KIF25: variants seen among roughly 807,000 people sequenced by gnomAD.
KIF25 encodes the protein kinesin family member 25.
KIF25 carries 19 observed loss-of-function variants against 32.9 expected under a neutral mutation model. The ratio of observed to expected loss-of-function variants is 0.58; its 90% CI spans 0.40 to 0.85. KIF25 has a LOEUF of 0.85. Ranked by LOEUF, KIF25 falls within the 40% of genes least tolerant of loss-of-function variation. The pLI is 0.00. For synonymous variants in KIF25, 225 were observed against 213.7 expected (o/e 1.05, Z -0.46); for missense variants, 485 against 507.0 (o/e 0.96, Z 0.42).
rs991502066 is a variant in KIF25 at position 167,998,013 on chromosome 6, G to A, written c.-1456G>A. On this transcript the variant is annotated 5_prime_UTR_variant, in exon 1 of 13. Coordinates refer to ENST00000643607, the MANE Select transcript of KIF25 (RefSeq NM_030615.4). ...TGATATAAGAGAACATTTATTGAGT[G>A]CTTCCTGTGTACCAAGTACTTTTGA... is the stretch of plus-strand genomic sequence containing the variant. Among the ~76,000 whole-genome samples, 9 of 152,138 alleles carry A rather than the reference G, an allele frequency of 5.9e-5. No homozygotes were observed. The highest frequency in any genetic ancestry group is 1.9e-4 in the African/African-American group (8 of 41,406).
At chr6:168,018,790 G>A (rs1798749684) in intron 5 of KIF25, among the ~76,000 whole-genome samples, 1 of 152,224 alleles carries the variant, frequency 6.6e-6, no homozygotes, top group South Asian at 2.1e-4. Context: ...CTCCTCGGAA[G>A]GACGTCAGTG....
rs139018818 is a variant in KIF25, at chr6:168,044,957, G to T, written c.1116G>T (p.Pro372=). The change falls in exon 13 of 13, where the codon CCG becomes CCT. Residue 372 remains proline, a synonymous_variant. Transcript: ENST00000643607. ...QVQRGPARKK[P]PSSQTEGKRR... ...AGCGAGGCCCTGCCCGAAAGAAGCCGCCCAGCTCCCAAACGGAGGGGAAGA... is the reference window on the plus strand; with the variant it reads ...AGCGAGGCCCTGCCCGAAAGAAGCCTCCCAGCTCCCAAACGGAGGGGAAGA... The T allele has an allele frequency of 4.4e-6, 7 of 1,609,104 alleles. No homozygotes were observed. The highest frequency in any genetic ancestry group is 1.3e-5 in the African/African-American group (1 of 74,810).
At chr6:168,000,228 C>T (rs973256766) in intron 2 of KIF25, among the ~76,000 whole-genome samples, 1 of 129,920 alleles carries the variant, frequency 7.7e-6, no homozygotes, top group Admixed American at 7.7e-5. Context: ...CACACCTGCC[C>T]CTCCCCACTC....
In KIF25 at chr6:168,002,328, C is replaced by T. The variant is rs891271553; in HGVS notation, c.-369-215C>T. Among the ~76,000 whole-genome samples, 57 of 148,800 alleles carry T rather than the reference C, an allele frequency of 3.8e-4. 1 individual carries two copies. Among genetic ancestry groups the T allele is most frequent in the Non-Finnish European group, 7.0e-4 (47 of 66,990 alleles). On this transcript the variant is annotated intron_variant, in intron 2 of 12. Transcript: ENST00000643607. Reference sequence around the variant, plus strand: ...GAGAAAGACACCTGAGGCGTGGCCTCGGGCAGGTGAGAAGACACCTGAGGC... The same window carrying T: ...GAGAAAGACACCTGAGGCGTGGCCTTGGGCAGGTGAGAAGACACCTGAGGC...
At chr6:168,036,953 T>G (rs1168730498) in intron 8 of KIF25, among the ~76,000 whole-genome samples, 2 of 152,174 alleles carry the variant, frequency 1.3e-5, no homozygotes, top group African/African-American at 4.8e-5. Flanking sequence ...TGTCAGCTAC[T>G]CAGGAGGCTG....
chr6:168,038,499 T>C, intron 8 of KIF25, 54 bp from the exon 9 acceptor site: 1 of 1,587,044 alleles, frequency 6.3e-7, no homozygotes, highest in Non-Finnish European at 8.6e-7. Context: ...TGGCTTACAC[T>C]GAAAATCACT....
intron 5 of KIF25, among the ~76,000 whole-genome samples, chr6:168,028,416 G>A (rs78973993): frequency 1.1e-4 from 16 of 152,032 alleles, no homozygotes; most frequent in South Asian, 2.1e-4. Flanking sequence ...CTGACAGCCC[G>A]TTGCCACATG....
chr6:168,013,242 T>G (rs1393786044), intron 4 of KIF25, among the ~76,000 whole-genome samples: 1 of 151,554 alleles, frequency 6.6e-6, no homozygotes, highest in Non-Finnish European at 1.5e-5. Flanking sequence ...GAACAGCAGC[T>G]TGGCTAACTC....
Position 168,042,137 on chromosome 6 carries a change from G to T in KIF25, c.815G>T (p.Gly272Val), listed in dbSNP as rs1291784167. The change falls in exon 11 of 13, where the codon GGC (glycine) becomes GTC (valine). Residue 272 changes from glycine to valine, a missense_variant. Physicochemically the swap from Gly to Val is moderately radical, Grantham distance 109. This residue lies in a region of KIF25 where 480 missense variants were observed against 470.3 expected (regional missense o/e 1.02). Transcript: ENST00000643607. The part of the protein sequence containing the change: ...QARLQLVDSA[G>V]SECVGVSGVT... ...CGACTACAGCTCGTGGACTCGGCCG[G>T]CAGCGAGTGCGTTGGTGAGCAGGGG... 4 of 1,549,446 alleles carry T rather than the reference G, an allele frequency of 2.6e-6. No homozygotes were observed. Among genetic ancestry groups the T allele is most frequent in the Non-Finnish European group, 3.5e-6 (4 of 1,146,962 alleles).
intron 4 of KIF25, among the ~76,000 whole-genome samples, chr6:168,014,309 T>C (rs1264279952): frequency 2.0e-5 from 3 of 152,234 alleles, no homozygotes; most frequent in African/African-American, 7.2e-5. Flanking sequence ...CATCACTGTT[T>C]GTTGTTACTG....
intron 2 of KIF25, among the ~76,000 whole-genome samples, chr6:168,000,301 TCCTGACCACACC>T: frequency 1.0e-5 from 1 of 95,380 alleles, no homozygotes. Context: ...CCCACTCCCA[TCCTGACCACACC>T]TGCCCCTCCC....
chr6:168,010,179 A>G (rs1188548209), intron 4 of KIF25, among the ~76,000 whole-genome samples: 1 of 151,874 alleles, frequency 6.6e-6, no homozygotes, highest in Non-Finnish European at 1.5e-5. Flanking sequence ...CAGTTTTTTA[A>G]TATAGGCATT....
chr6:168,007,623 G>A (rs951727504), intron 4 of KIF25, among the ~76,000 whole-genome samples: 2 of 152,194 alleles, frequency 1.3e-5, no homozygotes, highest in African/African-American at 4.8e-5. Context: ...TAAGCTGGCC[G>A]AAAATAGCTG....
chr6:168,029,445 A>T, intron 5 of KIF25, 47 bp from the exon 6 acceptor site: 1 of 1,312,640 alleles, frequency 7.6e-7, no homozygotes, highest in Non-Finnish European at 1.0e-6. Context: ...ATGTTAAGGC[A>T]TGGTCGTGGT....
intron 5 of KIF25, among the ~76,000 whole-genome samples, chr6:168,021,068 G>A (rs2114885843): frequency 6.6e-6 from 1 of 152,300 alleles, no homozygotes; most frequent in African/African-American, 2.4e-5. Flanking sequence ...CACACTACCC[G>A]ATTTAAAGAC....
rs372601329 is a variant in KIF25 at position 168,040,178 on chromosome 6, C to A, written c.608C>A (p.Thr203Lys). 7 of 1,613,782 alleles carry A rather than the reference C, an allele frequency of 4.3e-6. No homozygotes were observed. The highest frequency in any genetic ancestry group is 5.9e-6 in the Non-Finnish European group (7 of 1,179,958). ...TCCTCCAGGTCTCACCTGATAATTA[C>A]GGTGACTCTAACCACAGCCTCCTGC... ...ADSSRSHLII[T>K]VTLTTASCSD... The change falls in exon 10 of 13, where the codon ACG becomes AAG. Residue 203 changes from threonine to lysine, a missense_variant. By Grantham distance (78) the Thr-to-Lys change is moderately conservative. This residue lies in a region of KIF25 where 480 missense variants were observed against 470.3 expected (regional missense o/e 1.02). Coordinates refer to ENST00000643607, the MANE Select transcript of KIF25 (RefSeq NM_030615.4).
At chr6:168,037,523 G>A (rs1428884426) in intron 8 of KIF25, among the ~76,000 whole-genome samples, 8 of 152,160 alleles carry the variant, frequency 5.3e-5, no homozygotes, top group African/African-American at 1.9e-4. Flanking sequence ...TTGTTATTTG[G>A]TGACGAGGTT....
intron 5 of KIF25, among the ~76,000 whole-genome samples, chr6:168,024,009 AT>A (rs1272160021): frequency 6.6e-6 from 1 of 152,238 alleles, no homozygotes; most frequent in African/African-American, 2.4e-5. Context: ...ATATTTAAAA[AT>A]CTCACTATGA....
At chr6:168,027,274 G>A (rs2114894555) in intron 5 of KIF25, among the ~76,000 whole-genome samples, 1 of 152,134 alleles carries the variant, frequency 6.6e-6, no homozygotes, top group South Asian at 2.1e-4. Flanking sequence ...GCAACATGGT[G>A]AAATCCCGTC....
Sources: allele counts gnomAD v4.1 joint callset (sites outside exome capture counted in the v4.1 genomes callset), GRCh38; gene constraint gnomAD v4.1.1; regional missense constraint gnomAD v4.1.1; transcripts MANE v1.5; gene names NCBI Gene and HGNC (gene_info 2026-07-23, HGNC 2026-07-21).